NELL2: variants seen among roughly 807,000 people sequenced by gnomAD.
NELL2 encodes protein kinase C-binding protein NELL2.
A neutral mutation model predicts 109.6 loss-of-function variants in NELL2; 41 were observed. The ratio of observed to expected loss-of-function variants is 0.37; its 90% CI spans 0.29 to 0.49. The LOEUF is 0.49. Ranked by LOEUF, NELL2 falls within the 20% of genes least tolerant of loss-of-function variation. The pLI, the probability that NELL2 is intolerant of heterozygous loss-of-function variation, is 0.98. For missense variants in NELL2, 900 were observed against 1,008.3 expected, an observed-to-expected ratio of 0.89 and a Z score of 1.45; for synonymous variants, 355 against 344.7, an observed-to-expected ratio of 1.03 and a Z score of -0.33.
intron 15 of NELL2, among the ~76,000 whole-genome samples, chr12:44,591,054 G>C (rs1326773530): frequency 1.3e-5 from 2 of 152,086 alleles, no homozygotes; most frequent in Non-Finnish European, 2.9e-5. Context: ...TCAGGGAAAT[G>C]CAAACCAAAA....
intron 2 of NELL2, among the ~76,000 whole-genome samples, chr12:44,865,290 G>A (rs1027887708): frequency 7.8e-5 from 11 of 141,270 alleles, no homozygotes; most frequent in African/African-American, 1.9e-4. Context: ...CGATGAGTAG[G>A]TTGCAAAAAT....
intron 3 of NELL2, among the ~76,000 whole-genome samples, chr12:44,807,027 A>C (rs376055166): frequency 6.6e-6 from 1 of 151,742 alleles, no homozygotes; most frequent in Non-Finnish European, 1.5e-5. Context: ...CCATAAAAAA[A>C]TTATATTTTT....
At chr12:44,919,878 T>C (rs1271382139) in intron 1 of NELL2, among the ~76,000 whole-genome samples, 2 of 152,144 alleles carry the variant, frequency 1.3e-5, no homozygotes, top group South Asian at 2.1e-4. Context: ...ATATTAAAAA[T>C]AAACCTAAAT....
intron 13 of NELL2, among the ~76,000 whole-genome samples, chr12:44,661,602 T>G (rs553057260): frequency 7.9e-5 from 12 of 152,278 alleles, no homozygotes; most frequent in Admixed American, 7.2e-4. Flanking sequence ...TGTTTCATGC[T>G]TTTTCCATTA....
rs1336480208 is a variant in NELL2 at position 44,714,673 on chromosome 12, C to T, written c.1063G>A (p.Val355Ile). Residue 355 changes from valine to isoleucine, a missense_variant, in exon 10 of 20, where the codon GTA becomes ATA. Val to Ile is a conservative substitution (Grantham distance 29). This residue lies in a region of NELL2 where 292 missense variants were observed against 265.3 expected (regional missense o/e 1.10). Coordinates refer to ENST00000429094, the MANE Select transcript of NELL2 (RefSeq NM_001145108.2). ...ACCTTGCACTCATAGAGAACACATA[C>T]TCCAGAAGAGGAATAGACTGTATTT... ...ERNTVYSSSG[V>I]CVLYECKDQT... 1 of 1,599,508 alleles carries T rather than the reference C, an allele frequency of 6.3e-7. No homozygotes were observed. Among genetic ancestry groups the T allele is most frequent in the Non-Finnish European group, 8.5e-7 (1 of 1,174,586 alleles).
intron 9 of NELL2, among the ~76,000 whole-genome samples, chr12:44,748,613 G>A (rs1221320559): frequency 2.0e-5 from 3 of 152,124 alleles, no homozygotes; most frequent in African/African-American, 7.2e-5. Flanking sequence ...ATGACTGAGT[G>A]TTGAGAAATG....
At chr12:44,549,613 T>C (rs79042075) in intron 15 of NELL2, among the ~76,000 whole-genome samples, 1,813 of 152,314 alleles carry the variant, frequency 0.012, 23 homozygotes, top group Middle Eastern at 0.061. Context: ...TGCATTTCTA[T>C]ACACTAATGG....
chr12:44,889,038 G>A (rs1175185070), intron 1 of NELL2, among the ~76,000 whole-genome samples: 1 of 151,938 alleles, frequency 6.6e-6, no homozygotes, highest in Non-Finnish European at 1.5e-5. Flanking sequence ...CCCAAGGACT[G>A]CTGGGGGTCA....
intron 9 of NELL2, among the ~76,000 whole-genome samples, chr12:44,716,845 T>C (rs962391053): frequency 2.0e-5 from 3 of 152,086 alleles, no homozygotes; most frequent in African/African-American, 7.2e-5. Context: ...AACACAAGGG[T>C]AAATTCTCCT....
intron 15 of NELL2, among the ~76,000 whole-genome samples, chr12:44,593,420 T>C (rs1354663629): frequency 1.3e-5 from 2 of 152,188 alleles, no homozygotes; most frequent in Non-Finnish European, 2.9e-5. Context: ...ATTTTGGAGC[T>C]ATATTGCAGT....
chr12:44,515,958 A>G (rs912917815), intron 19 of NELL2, among the ~76,000 whole-genome samples: 5 of 151,878 alleles, frequency 3.3e-5, no homozygotes, highest in Admixed American at 3.3e-4. Context: ...TTTTGTAGTT[A>G]AATAAAGTGA....
intron 2 of NELL2, among the ~76,000 whole-genome samples, chr12:44,864,895 T>C (rs929988543): frequency 1.3e-5 from 2 of 151,506 alleles, no homozygotes; most frequent in Non-Finnish European, 1.5e-5. Flanking sequence ...AGTAATGGGA[T>C]GGCTGGGTCA....
Position 44,682,594 on chromosome 12 carries a change from T to C in NELL2, c.1319-16985A>G, listed in dbSNP as rs560856699. Among the ~76,000 whole-genome samples the C allele has an allele frequency of 1.8e-4, 28 of 152,360 alleles. 1 individual carries two copies. In the South Asian group the frequency reaches 4.1e-3, roughly 23 times the overall value. On this transcript the variant is annotated intron_variant, in intron 12 of 19. Coordinates refer to ENST00000429094, the MANE Select transcript of NELL2 (RefSeq NM_001145108.2). ...TTAATCCATCTTGAATTGATTTTTG[T>C]ATAAGGTGTAAGGAAGGGATCCAGT...
At chr12:44,531,871 C>A (rs1047477016) in intron 16 of NELL2, among the ~76,000 whole-genome samples, 6 of 152,124 alleles carry the variant, frequency 3.9e-5, no homozygotes, top group South Asian at 4.1e-4. Flanking sequence ...TCTTTCAGTG[C>A]GGGTAGTTTC....
intron 12 of NELL2, among the ~76,000 whole-genome samples, chr12:44,681,506 C>T (rs180832727): frequency 0.011 from 1,618 of 151,690 alleles, 23 homozygotes; most frequent in Middle Eastern, 0.045. Flanking sequence ...CATGCTGGTG[C>T]GCTGCACCCA....
chr12:44,817,152 G>A lies in NELL2; in HGVS notation c.185-1016C>T, dbSNP rs144573725. On this transcript the variant is annotated intron_variant, in intron 2 of 19. Transcript: ENST00000429094. The stretch of plus-strand genomic sequence containing the variant: ...AAACATTTAGCACTCCTGGGTCCCT[G>A]GCCAACAAATGTCAGTGGCACCCAA... 1.4e-4 allele frequency among the ~76,000 whole-genome samples: 22 copies of A among 152,236 alleles called. No homozygotes were observed. In the East Asian group the frequency reaches 4.2e-3, roughly 29 times the overall value.
chr12:44,563,324 T>C (rs967671820), intron 15 of NELL2, among the ~76,000 whole-genome samples: 2 of 150,964 alleles, frequency 1.3e-5, no homozygotes, highest in Non-Finnish European at 3.0e-5. Context: ...AAAAAAAAAT[T>C]AAAAAAAAAG....
exon 1 of NELL2, chr12:44,913,869 T>A (rs1239542991): frequency 2.9e-6 from 2 of 688,346 alleles, no homozygotes; most frequent in Non-Finnish European, 4.6e-6. Flanking sequence ...GGTTCTTTTT[T>A]CACTTTTAGA....
At chr12:44,662,591 AATC>A (rs1947783999) in intron 13 of NELL2, among the ~76,000 whole-genome samples, 1 of 152,322 alleles carries the variant, frequency 6.6e-6, no homozygotes, top group East Asian at 1.9e-4. Context: ...ATCTAACTCA[AATC>A]ATCTGAAACT....
Sources: allele counts gnomAD v4.1 joint callset (sites outside exome capture counted in the v4.1 genomes callset), GRCh38; gene constraint gnomAD v4.1.1; regional missense constraint gnomAD v4.1.1; transcripts MANE v1.5; gene names NCBI Gene and HGNC (gene_info 2026-07-23, HGNC 2026-07-21).